Variants in RSPO3 observed in about 807,000 individuals in gnomAD.
RSPO3 encodes the protein R-spondin 3, also known as R-spondin-3.
In RSPO3, 17 loss-of-function variants were observed where a neutral mutation model predicts 36.5. The observed-to-expected ratio is 0.47, with a 90% CI of 0.32 to 0.70. RSPO3 has a LOEUF of 0.70. RSPO3 is among the 30% of genes least tolerant of loss of function. The pLI, the probability that RSPO3 is intolerant of heterozygous loss-of-function variation, is 0.04. For synonymous variants in RSPO3, 108 were observed against 107.0 expected (o/e 1.01, Z -0.06); for missense variants, 294 against 322.5 (o/e 0.91, Z 0.68).
rs959136925 is a variant in RSPO3 at position 127,198,604 on chromosome 6, T to G, written c.*2597T>G. Among the ~76,000 whole-genome samples the G allele has an allele frequency of 1.3e-5, 2 of 152,194 alleles. No homozygotes were observed. Among genetic ancestry groups the G allele is most frequent in the African/African-American group, 2.4e-5 (1 of 41,438 alleles). On this transcript the variant is annotated 3_prime_UTR_variant, in exon 5 of 5. Transcript: ENST00000356698. ...AGAGAGTGCAGCAACATAAATCTGT[T>G]AATGTCTGATCAAGCTCCTGCCCTG...
At chr6:127,161,218 T>C (rs572912497) in intron 4 of RSPO3, among the ~76,000 whole-genome samples, 7 of 152,138 alleles carry the variant, frequency 4.6e-5, no homozygotes, top group Non-Finnish European at 1.0e-4. Flanking sequence ...ACATGCACAA[T>C]TGACTCCCCT....
chr6:127,161,260 G>A (rs1334399757), intron 4 of RSPO3, among the ~76,000 whole-genome samples: 1 of 151,874 alleles, frequency 6.6e-6, no homozygotes, highest in Non-Finnish European at 1.5e-5. Context: ...ATTACAGCCA[G>A]CACCTTGATA....
intron 1 of RSPO3, among the ~76,000 whole-genome samples, chr6:127,124,251 T>G (rs1339197402): frequency 6.6e-6 from 1 of 152,104 alleles, no homozygotes; most frequent in East Asian, 1.9e-4. Flanking sequence ...CATATCTTGA[T>G]CTCTCTCTTC....
chr6:127,190,424 G>A (rs1020712922), intron 4 of RSPO3, among the ~76,000 whole-genome samples: 2 of 151,942 alleles, frequency 1.3e-5, no homozygotes, highest in African/African-American at 4.8e-5. Flanking sequence ...GCAAAACTCC[G>A]TCTCAAAAAC....
intron 1 of RSPO3, among the ~76,000 whole-genome samples, chr6:127,144,032 C>A (rs978092531): frequency 6.6e-6 from 1 of 152,130 alleles, no homozygotes; most frequent in Non-Finnish European, 1.5e-5. Context: ...TAGTAGGAAG[C>A]CTTCTTAACA....
chr6:127,163,202 T>C (rs1363854950), intron 4 of RSPO3, among the ~76,000 whole-genome samples: 2 of 152,126 alleles, frequency 1.3e-5, no homozygotes, highest in African/African-American at 4.8e-5. Flanking sequence ...AAGTAAATAT[T>C]TCTCCAGCAA....
rs8180557 is a variant in RSPO3 at position 127,159,863 on chromosome 6, G to T, written c.634+4425G>T. On this transcript the variant is annotated intron_variant, in intron 4 of 4. Transcript: ENST00000356698. ...GGGGTTTCACTGTGTTGGCCAGGCT[G>T]GTCTCGAACTCCTGAGCTCAGGCAA... Among the ~76,000 whole-genome samples the T allele has an allele frequency of 2.7e-4, 41 of 151,874 alleles. No homozygotes were observed. In the East Asian group the frequency reaches 6.2e-3, roughly 23 times the overall value.
At chr6:127,167,769 T>C (rs1174060098) in intron 4 of RSPO3, among the ~76,000 whole-genome samples, 15 of 151,736 alleles carry the variant, frequency 9.9e-5, no homozygotes, top group African/African-American at 3.1e-4. Flanking sequence ...CATCCCCCCA[T>C]CCCACAACAG....
intron 4 of RSPO3, among the ~76,000 whole-genome samples, chr6:127,182,237 C>T (rs1562253543): frequency 6.6e-6 from 1 of 151,826 alleles, no homozygotes; most frequent in Non-Finnish European, 1.5e-5. Flanking sequence ...CCAAACACCT[C>T]CCATTTGGCC....
At chr6:127,181,824 C>T (rs1325542026) in intron 4 of RSPO3, among the ~76,000 whole-genome samples, 1 of 151,894 alleles carries the variant, frequency 6.6e-6, no homozygotes, top group Non-Finnish European at 1.5e-5. Context: ...GGCTTATATA[C>T]AGTCATTGAT....
chr6:127,173,672 CA>C (rs1466424504), intron 4 of RSPO3, among the ~76,000 whole-genome samples: 1 of 151,890 alleles, frequency 6.6e-6, no homozygotes, highest in African/African-American at 2.4e-5. Flanking sequence ...GGAGGCTTCT[CA>C]GCCTGAAGCA....
At chr6:127,128,199 A>G (rs1582784666) in intron 1 of RSPO3, among the ~76,000 whole-genome samples, 1 of 152,100 alleles carries the variant, frequency 6.6e-6, no homozygotes, top group East Asian at 1.9e-4. Flanking sequence ...AGAAAAAGTT[A>G]TCTTTATGGC....
intron 1 of RSPO3, among the ~76,000 whole-genome samples, chr6:127,127,961 T>C (rs1201034849): frequency 1.3e-5 from 2 of 152,094 alleles, no homozygotes; most frequent in African/African-American, 4.8e-5. Flanking sequence ...GTCTTATTGA[T>C]GAGTTTTAAA....
intron 4 of RSPO3, among the ~76,000 whole-genome samples, chr6:127,187,533 A>G (rs1159530562): frequency 6.6e-6 from 1 of 152,166 alleles, no homozygotes; most frequent in East Asian, 1.9e-4. Context: ...GAATAAATTT[A>G]TATGCTTATT....
chr6:127,198,232 A>G lies in RSPO3; in HGVS notation c.*2225A>G, dbSNP rs752903451. Reference sequence around the variant, plus strand: ...CAATGGCAGAAGGTCTGAATCCTTGATGCTAAACTTATATAAAAGTAGAAT... The same window carrying G: ...CAATGGCAGAAGGTCTGAATCCTTGGTGCTAAACTTATATAAAAGTAGAAT... On this transcript the variant is annotated 3_prime_UTR_variant, in exon 5 of 5. Coordinates refer to ENST00000356698, the MANE Select transcript of RSPO3 (RefSeq NM_032784.5). Among the ~76,000 whole-genome samples the G allele has an allele frequency of 2.0e-5, 3 of 152,240 alleles. No individual in the cohort carries two copies. Among genetic ancestry groups the G allele is most frequent in the Non-Finnish European group, 4.4e-5 (3 of 68,042 alleles).
intron 4 of RSPO3, among the ~76,000 whole-genome samples, chr6:127,158,071 A>G (rs2114596961): frequency 6.6e-6 from 1 of 151,566 alleles, no homozygotes; most frequent in East Asian, 1.9e-4. Context: ...ATTGTCTTGA[A>G]TTTATAACCT....
intron 4 of RSPO3, among the ~76,000 whole-genome samples, chr6:127,155,784 C>T (rs186204727): frequency 2.6e-5 from 4 of 151,754 alleles, no homozygotes; most frequent in African/African-American, 7.3e-5. Context: ...TTTACAAGAA[C>T]AAGACAAAGA....
At chr6:127,159,855 G>T (rs1166114366) in intron 4 of RSPO3, among the ~76,000 whole-genome samples, 2 of 151,730 alleles carry the variant, frequency 1.3e-5, no homozygotes, top group African/African-American at 2.4e-5. Context: ...CACTGTGTTG[G>T]CCAGGCTGGT....
intron 4 of RSPO3, among the ~76,000 whole-genome samples, chr6:127,183,213 T>C (rs1321221738): frequency 6.6e-6 from 1 of 151,994 alleles, no homozygotes; most frequent in Non-Finnish European, 1.5e-5. Context: ...AACAAGAGAA[T>C]GGAATTCTTT....
Sources: allele counts gnomAD v4.1 joint callset (sites outside exome capture counted in the v4.1 genomes callset), GRCh38; gene constraint gnomAD v4.1.1; transcripts MANE v1.5; gene names NCBI Gene and HGNC (gene_info 2026-07-23, HGNC 2026-07-21).